Variants in MEGF6 observed in about 807,000 individuals in gnomAD.
MEGF6 encodes multiple EGF like domains 6, also known as multiple epidermal growth factor-like domains protein 6.
A neutral mutation model predicts 207.1 loss-of-function variants in MEGF6; 184 were observed. That is an observed-to-expected ratio of 0.89 (90% CI 0.79 to 1.00). MEGF6 has a LOEUF of 1.00. Ranked by LOEUF, MEGF6 falls within the 50% of genes least tolerant of loss-of-function variation. MEGF6 has a pLI of 0.00. For synonymous variants in MEGF6, 1,038 were observed against 910.0 expected (o/e 1.14, Z -2.53); for missense variants, 2,282 against 2,202.9 (o/e 1.04, Z -0.72).
intron 5 of MEGF6, among the ~76,000 whole-genome samples, chr1:3,520,387 C>A (rs770478706): frequency 6.6e-6 from 1 of 152,212 alleles, no homozygotes. Context: ...CAGGGTGTCA[C>A]GGAAAACCAA....
chr1:3,557,461 A>T (rs1415785126), intron 4 of MEGF6, among the ~76,000 whole-genome samples: 1 of 152,090 alleles, frequency 6.6e-6, no homozygotes, highest in Non-Finnish European at 1.5e-5. Context: ...CTTGAGGAGG[A>T]GCCACTGTCT....
the MEGF6 span, among the ~76,000 whole-genome samples, chr1:3,622,357 C>T: frequency 6.6e-6 from 1 of 152,208 alleles, no homozygotes; most frequent in Non-Finnish European, 1.5e-5. Context: ...TGCCTTGCTT[C>T]CCCTTTGCCT....
intron 4 of MEGF6, among the ~76,000 whole-genome samples, chr1:3,530,436 C>G (rs1035590177): frequency 1.3e-5 from 2 of 152,334 alleles, no homozygotes; most frequent in East Asian, 1.9e-4. Flanking sequence ...AATTCCACCC[C>G]CTCCTCCAAT....
At chr1:3,619,112 TCA>T in the MEGF6 span, among the ~76,000 whole-genome samples, 1 of 152,208 alleles carries the variant, frequency 6.6e-6, no homozygotes, top group Admixed American at 6.5e-5. Flanking sequence ...AATAATGACT[TCA>T]TGTAGGGCCT....
intron 1 of MEGF6, among the ~76,000 whole-genome samples, chr1:3,609,272 G>A (rs10909986): frequency 0.88 from 134,639 of 152,144 alleles, 60,448 homozygotes; most frequent in Non-Finnish European, 0.96. Context: ...GCCTCAGAAC[G>A]GGCCCTGCAC....
intron 4 of MEGF6, among the ~76,000 whole-genome samples, chr1:3,570,115 G>A (rs368900508): frequency 3.5e-4 from 53 of 152,314 alleles, no homozygotes; most frequent in African/African-American, 1.3e-3. Context: ...CTGTCCTGTC[G>A]AGGAGGTGGC....
chr1:3,608,179 CG>C (rs1411971913), intron 1 of MEGF6, among the ~76,000 whole-genome samples: 1 of 152,126 alleles, frequency 6.6e-6, no homozygotes, highest in Non-Finnish European at 1.5e-5. Flanking sequence ...AGCCAGCATG[CG>C]GGGAATCTCA....
chr1:3,615,811 T>C (rs1644373599), upstream of MEGF6, among the ~76,000 whole-genome samples: 1 of 152,132 alleles, frequency 6.6e-6, no homozygotes, highest in Non-Finnish European at 1.5e-5. Flanking sequence ...CCACCTGGCC[T>C]CGACTGCTTC....
Position 3,489,829 on chromosome 1 carries a change from G to A in MEGF6, c.*699C>T, listed in dbSNP as rs1315055692. The A allele has an allele frequency of 6.6e-6, 1 of 152,484 alleles. No individual in the cohort carries two copies. The highest frequency in any genetic ancestry group is 1.5e-5 in the Non-Finnish European group (1 of 68,126). The allele number at this position is 152,484 out of a possible 1,614,324, so 9.4% of individuals were successfully genotyped here. A position where few individuals can be genotyped will look rare whatever the true frequency, so the allele number is the denominator to read the frequency against. On this transcript the variant is annotated 3_prime_UTR_variant, in exon 37 of 37. Transcript: ENST00000356575. Reference sequence around the variant, plus strand: ...CCTGCAAAGGGCCCCGGGTGCACTGGGAGGTCCCTGGGTGCACCGTTATGC... The same window carrying A: ...CCTGCAAAGGGCCCCGGGTGCACTGAGAGGTCCCTGGGTGCACCGTTATGC...
intron 14 of MEGF6, among the ~76,000 whole-genome samples, chr1:3,506,619 G>C (rs930298241): frequency 1.3e-5 from 2 of 152,178 alleles, no homozygotes; most frequent in Non-Finnish European, 2.9e-5. Flanking sequence ...CAGTAGACAA[G>C]GTCCCAGGCC....
intron 5 of MEGF6, among the ~76,000 whole-genome samples, chr1:3,516,520 T>G (rs540172661): frequency 6.6e-6 from 1 of 152,220 alleles, no homozygotes; most frequent in African/African-American, 2.4e-5. Context: ...TGGGGAGGCT[T>G]CTTTGAGATG....
intron 4 of MEGF6, among the ~76,000 whole-genome samples, chr1:3,571,659 G>C (rs190339798): frequency 1.3e-5 from 2 of 150,586 alleles, no homozygotes; most frequent in East Asian, 3.9e-4. Context: ...TCCTGGGTGT[G>C]CTAGGTCCTT....
intron 1 of MEGF6, among the ~76,000 whole-genome samples, chr1:3,603,867 C>T (rs1160853123): frequency 6.6e-6 from 1 of 152,244 alleles, no homozygotes; most frequent in East Asian, 1.9e-4. Context: ...GAGGCTCTTG[C>T]AATGGAGGAC....
chr1:3,584,883 G>A (rs891627288), intron 3 of MEGF6, among the ~76,000 whole-genome samples: 2 of 152,268 alleles, frequency 1.3e-5, no homozygotes, highest in Non-Finnish European at 1.5e-5. Context: ...CAGCCCGGAG[G>A]TGCCTGGGGA....
chr1:3,614,342 AGCCGAGC>A (rs1428141438), upstream of MEGF6, among the ~76,000 whole-genome samples: 3 of 152,230 alleles, frequency 2.0e-5, no homozygotes, highest in Non-Finnish European at 4.4e-5. Flanking sequence ...CCCACAAGAC[AGCCGAGC>A]GCCAAAGAGG....
chr1:3,617,013 GAC>G, the MEGF6 span, among the ~76,000 whole-genome samples: 4 of 152,138 alleles, frequency 2.6e-5, no homozygotes, highest in Admixed American at 2.6e-4. Flanking sequence ...ACAGTGGCCA[GAC>G]ACACAGGCCT....
rs775764896 is a variant in MEGF6, at chr1:3,509,099, C to T, written c.1504G>A (p.Glu502Lys). The T allele has an allele frequency of 2.2e-5, 35 of 1,597,864 alleles. No homozygotes were observed. The East Asian group carries it at 5.9e-4, about 27-fold the overall frequency. ...CCAAACTTCTCTGTGAGCGTGTGTTCGCCCCGCAACTCTGCCTCTTCCTCA... is the reference window on the plus strand; with the variant it reads ...CCAAACTTCTCTGTGAGCGTGTGTTTGCCCCGCAACTCTGCCTCTTCCTCA... The part of the protein sequence containing the change: ...ADEEEAELRG[E>K]HTLTEKFVCL... The change falls in exon 12 of 37, where the codon GAA (glutamate) becomes AAA (lysine). Residue 502 changes from glutamate (E) to lysine (K), a missense_variant. Glu to Lys is a moderately conservative substitution (Grantham distance 56). Coordinates refer to ENST00000356575, the MANE Select transcript of MEGF6 (RefSeq NM_001409.4).
At position 3,611,203 on chromosome 1, in the gene MEGF6, C is replaced by T. The variant is rs753508170; in HGVS notation, c.66G>A (p.Leu22=). The T allele has an allele frequency of 6.4e-7, 1 of 1,553,838 alleles. No individual in the cohort carries two copies. Among genetic ancestry groups the T allele is most frequent in the Non-Finnish European group, 8.6e-7 (1 of 1,160,334 alleles). ...TGGCGCCCACGGGCACGGCGGGGAG[C>T]AGCAGCAGCACCAACGCCAGGACCA... ...RAVVLALVLL[L]LPAVPVGASV... is the part of the protein sequence containing the mutation. The change falls in exon 1 of 37, where the codon CTG becomes CTA. Residue 22 remains leucine (L), a synonymous_variant. Transcript: ENST00000356575.
At chr1:3,623,899 C>G in the MEGF6 span, among the ~76,000 whole-genome samples, 12 of 152,232 alleles carry the variant, frequency 7.9e-5, no homozygotes, top group Non-Finnish European at 1.3e-4. Context: ...ACTCCCCCAG[C>G]TGCCGCGTGG....
Sources: allele counts gnomAD v4.1 joint callset (sites outside exome capture counted in the v4.1 genomes callset), GRCh38; gene constraint gnomAD v4.1.1; transcripts MANE v1.5; gene names NCBI Gene and HGNC (gene_info 2026-07-23, HGNC 2026-07-21).